TRIO: variants seen among roughly 807,000 people sequenced by gnomAD.
TRIO encodes the protein triple functional domain protein.
TRIO carries 58 observed loss-of-function variants against 351.9 expected under a neutral mutation model. The observed-to-expected ratio is 0.16, with a 90% CI of 0.13 to 0.21. The LOEUF is 0.21. Among genes scored for constraint, TRIO ranks in the 10% least tolerant of loss-of-function variants. The probability of loss-of-function intolerance (pLI) is 1.00; values close to 1 mark genes in which losing one functional copy is unlikely to be tolerated. For missense variants in TRIO, 3,201 were observed against 4,027.8 expected (o/e 0.79, Z 5.56); for synonymous variants, 1,758 against 1,595.7 (o/e 1.10, Z -2.42).
chr5:14,359,324 A>G (rs760205643), intron 12 of TRIO, 33 bp from the exon 13 acceptor site: 4 of 1,592,534 alleles, frequency 2.5e-6, no homozygotes, highest in Non-Finnish European at 3.4e-6. Flanking sequence ...TGACTTTCTC[A>G]TCCAATTCCT....
intron 1 of TRIO, among the ~76,000 whole-genome samples, chr5:14,150,548 G>A (rs1046904333): frequency 2.0e-5 from 3 of 151,956 alleles, no homozygotes; most frequent in Non-Finnish European, 4.4e-5. Context: ...AATTAGTAAA[G>A]GGCTCCCTCA....
chr5:14,284,993 T>C (rs1281123831), intron 3 of TRIO, among the ~76,000 whole-genome samples: 1 of 152,118 alleles, frequency 6.6e-6, no homozygotes, highest in African/African-American at 2.4e-5. Context: ...CTCGAGGGAT[T>C]GCAAACCCCA....
intron 31 of TRIO, among the ~76,000 whole-genome samples, chr5:14,402,624 G>T (rs867338706): frequency 8.6e-5 from 13 of 151,942 alleles, no homozygotes; most frequent in African/African-American, 2.9e-4. Context: ...ATGGATTTTG[G>T]TGGTCACGGT....
chr5:14,458,135 C>T (rs189965426), intron 34 of TRIO, among the ~76,000 whole-genome samples: 317 of 152,012 alleles, frequency 2.1e-3, no homozygotes, highest in African/African-American at 7.0e-3. Flanking sequence ...GGCTGTCTCC[C>T]GACCTCCCCA....
chr5:14,415,439 C>T (rs560721686), intron 33 of TRIO, among the ~76,000 whole-genome samples: 1 of 152,262 alleles, frequency 6.6e-6, no homozygotes, highest in East Asian at 1.9e-4. Context: ...ATACATGCCT[C>T]ATTGTTGTGT....
chr5:14,316,805 C>T, intron 9 of TRIO, 62 bp downstream of exon 9: 1 of 1,480,074 alleles, frequency 6.8e-7, no homozygotes, highest in Non-Finnish European at 9.2e-7. Flanking sequence ...AGTTTAAATA[C>T]ATCATCATAT....
chr5:14,506,938 C>A (rs1757730369), intron 55 of TRIO, among the ~76,000 whole-genome samples, 184 bp from the exon 56 acceptor site: 1 of 152,254 alleles, frequency 6.6e-6, no homozygotes, highest in African/African-American at 2.4e-5. Flanking sequence ...ACCCCACTCG[C>A]ATCTTCCCAA....
At chr5:14,332,996 CCTGCAGT>C (rs1335281567) in intron 10 of TRIO, among the ~76,000 whole-genome samples, 2 of 152,316 alleles carry the variant, frequency 1.3e-5, no homozygotes, top group East Asian at 3.9e-4. Flanking sequence ...CTTTGCCCTT[CCTGCAGT>C]CTTCAGCTGC....
At chr5:14,167,670 C>T (rs1490303972) in intron 1 of TRIO, among the ~76,000 whole-genome samples, 1 of 152,170 alleles carries the variant, frequency 6.6e-6, no homozygotes. Context: ...GAAGAGAAAG[C>T]TTGCAGGCCA....
chr5:14,337,622 G>C (rs895709223), intron 11 of TRIO, among the ~76,000 whole-genome samples: 12 of 152,186 alleles, frequency 7.9e-5, no homozygotes, highest in African/African-American at 2.9e-4. Context: ...TGGGGAAAGA[G>C]GGGAGGGCGA....
intron 34 of TRIO, 142 bp downstream of exon 34, chr5:14,420,163 G>A: frequency 7.8e-7 from 1 of 1,282,024 alleles, no homozygotes; most frequent in Non-Finnish European, 1.1e-6. Context: ...GACTGTCCGG[G>A]CATTTCCAGT....
intron 10 of TRIO, 28 bp downstream of exon 10, chr5:14,330,928 C>T: frequency 6.2e-7 from 1 of 1,610,744 alleles, no homozygotes; most frequent in Non-Finnish European, 8.5e-7. Context: ...ATTATTTTAT[C>T]CCATAAATAC....
At chr5:14,499,480 A>G (rs1280468274) in intron 53 of TRIO, among the ~76,000 whole-genome samples, 1 of 152,214 alleles carries the variant, frequency 6.6e-6, no homozygotes, top group Non-Finnish European at 1.5e-5. Flanking sequence ...TAAAACTCCA[A>G]ATGAAAGATA....
intron 26 of TRIO, 35 bp from the exon 27 acceptor site, chr5:14,390,866 G>A: frequency 6.4e-7 from 1 of 1,558,002 alleles, no homozygotes; most frequent in Non-Finnish European, 8.7e-7. Flanking sequence ...GACTTGTTAT[G>A]ATTTAAATGA....
rs761560031 is a variant in TRIO, at chr5:14,504,374, C to T, written c.8412-19C>T. 14 of 1,613,524 alleles carry T rather than the reference C, an allele frequency of 8.7e-6. No homozygotes were observed. Among genetic ancestry groups the T allele is most frequent in the Admixed American group, 3.3e-5 (2 of 59,986 alleles). ...ACCTCAGCAGCCTCTGCAAATGGTC[C>T]CCCTGACATATTTTACAGGGGCAGA... On this transcript the variant is annotated intron_variant, in intron 54 of 56. Coordinates refer to ENST00000344204, the MANE Select transcript of TRIO (RefSeq NM_007118.4).
intron 34 of TRIO, among the ~76,000 whole-genome samples, chr5:14,452,581 C>T (rs1752920709): frequency 6.6e-6 from 1 of 152,210 alleles, no homozygotes; most frequent in African/African-American, 2.4e-5. Flanking sequence ...CATGCATGTG[C>T]CAGGCAGACT....
intron 1 of TRIO, among the ~76,000 whole-genome samples, chr5:14,167,001 G>A (rs1008938704): frequency 6.6e-6 from 1 of 151,896 alleles, no homozygotes; most frequent in Non-Finnish European, 1.5e-5. Flanking sequence ...GCCCATTCTT[G>A]GGCTTATGTC....
chr5:14,474,320 GTC>G (rs1754891134), intron 40 of TRIO, among the ~76,000 whole-genome samples: 2 of 152,314 alleles, frequency 1.3e-5, no homozygotes, highest in South Asian at 4.1e-4. Flanking sequence ...CATGTCGAGA[GTC>G]TGTGGAAGGG....
intron 13 of TRIO, 27 bp downstream of exon 13, chr5:14,359,558 C>T (rs1743946052): frequency 1.2e-6 from 2 of 1,607,488 alleles, no homozygotes; most frequent in African/African-American, 1.3e-5. Flanking sequence ...TGGCGCCTGC[C>T]TGCCTGTGGG....
Sources: gnomAD v4.1 joint callset for allele counts (sites outside exome capture counted in the v4.1 genomes callset) on GRCh38, gnomAD v4.1.1 for gene constraint, MANE v1.5 for transcripts, NCBI Gene and HGNC (gene_info 2026-07-23, HGNC 2026-07-21) for gene names.